RGS6: variants seen among roughly 807,000 people sequenced by gnomAD.
RGS6 encodes regulator of G protein signaling 6, also known as regulator of G-protein signaling 6.
A neutral mutation model predicts 78.5 loss-of-function variants in RGS6; 30 were observed. The observed-to-expected ratio is 0.38, with a 90% confidence interval of 0.29 to 0.52. The LOEUF (loss-of-function observed/expected upper bound fraction) is 0.52, where lower values mean the gene tolerates loss of function less well. Ranked by LOEUF, RGS6 falls within the 20% of genes least tolerant of loss-of-function variation. The pLI is 0.85. For missense variants in RGS6, 495 were observed against 609.7 expected (o/e 0.81, Z 1.98); for synonymous variants, 206 against 206.0 (o/e 1.00, Z 0.00).
intron 2 of RGS6, among the ~76,000 whole-genome samples, chr14:72,236,338 A>G: frequency 1.3e-5 from 2 of 152,202 alleles, no homozygotes; most frequent in East Asian, 3.9e-4. Context: ...AGAAATCAGT[A>G]CACTTCACCA....
intron 3 of RGS6, among the ~76,000 whole-genome samples, chr14:72,424,531 C>T (rs2094349031): frequency 6.6e-6 from 1 of 152,052 alleles, no homozygotes. Context: ...TCTTCCCTTG[C>T]TGGGAGTCTT....
At chr14:72,292,012 C>T (rs2238204) in intron 2 of RGS6, among the ~76,000 whole-genome samples, 102,231 of 151,694 alleles carry the variant, frequency 0.67, 34,769 homozygotes, top group East Asian at 0.86. Flanking sequence ...TGGCGTCACA[C>T]AGCACACTCC....
intron 2 of RGS6, among the ~76,000 whole-genome samples, chr14:72,148,330 C>G (rs1236618033): frequency 6.7e-6 from 1 of 149,180 alleles, no homozygotes; most frequent in African/African-American, 2.5e-5. Flanking sequence ...TCCATGAGTT[C>G]GAGGCTGCAG....
chr14:72,397,794 A>G (rs192324038), intron 3 of RGS6, among the ~76,000 whole-genome samples: 8 of 152,260 alleles, frequency 5.3e-5, no homozygotes, highest in African/African-American at 1.7e-4. Context: ...CCTTTTCTAC[A>G]TCTTTTGAGA....
At chr14:72,308,078 A>G (rs2067674014) in intron 2 of RGS6, among the ~76,000 whole-genome samples, 1 of 152,066 alleles carries the variant, frequency 6.6e-6, no homozygotes, top group African/African-American at 2.4e-5. Flanking sequence ...TATTATTCTA[A>G]TTTTCCAGGT....
chr14:72,151,960 T>TAA (rs1447040379), intron 2 of RGS6, among the ~76,000 whole-genome samples: 1 of 152,132 alleles, frequency 6.6e-6, no homozygotes, highest in Non-Finnish European at 1.5e-5. Context: ...AACATGAACT[T>TAA]GAAAATGAGT....
Position 72,175,168 on chromosome 14 carries a change from T to G in RGS6, c.85-176927T>G, listed in dbSNP as rs140643969. On this transcript the variant is annotated intron_variant, in intron 2 of 17. Coordinates refer to ENST00000553525, the MANE Select transcript of RGS6 (RefSeq NM_001204424.2). The stretch of plus-strand genomic sequence containing the variant: ...TTTTTTTGTTTTGACCGAGAGTCTT[T>G]CCTCCAAAAATCATTCTCTCCATCC... 3.1e-3 allele frequency among the ~76,000 whole-genome samples: 467 copies of G among 152,318 alleles called. 2 individuals carry two copies. The highest frequency in any genetic ancestry group is 0.011 in the African/African-American group (455 of 41,570).
chr14:72,476,990 G>T (rs1243097354), intron 11 of RGS6, 150 bp downstream of exon 11: 1 of 644,156 alleles, frequency 1.6e-6, no homozygotes, highest in Non-Finnish European at 2.7e-6. Flanking sequence ...TTTAAGTGCT[G>T]TGTGTGAACA....
intron 3 of RGS6, among the ~76,000 whole-genome samples, chr14:72,435,553 G>A (rs2153184559): frequency 6.6e-6 from 1 of 152,216 alleles, no homozygotes; most frequent in East Asian, 1.9e-4. Flanking sequence ...TATAGGTCTG[G>A]AGGCCAGAAA....
intron 3 of RGS6, among the ~76,000 whole-genome samples, chr14:72,386,460 C>A (rs1367653963): frequency 6.6e-6 from 1 of 152,178 alleles, no homozygotes; most frequent in Non-Finnish European, 1.5e-5. Flanking sequence ...ATCACTTGAA[C>A]CCTGAAGGCG....
chr14:72,347,439 C>CT (rs2078274436), intron 2 of RGS6, among the ~76,000 whole-genome samples: 3 of 152,312 alleles, frequency 2.0e-5, no homozygotes, highest in Admixed American at 6.5e-5. Context: ...TCTCTGCATC[C>CT]TCCTCTGCCC....
the RGS6 span, among the ~76,000 whole-genome samples, chr14:72,582,001 C>T: frequency 1.3e-5 from 2 of 152,146 alleles, no homozygotes; most frequent in African/African-American, 2.4e-5. Flanking sequence ...GAAATGGACA[C>T]GTATGAAGAC....
chr14:72,352,143 C>T lies in RGS6; in HGVS notation c.133C>T (p.Pro45Ser), dbSNP rs1204805423. ...KMQDDKTGGV[P>S]IRTVKSFLSK... The stretch of plus-strand genomic sequence containing the variant: ...GCAAGATGACAAGACAGGGGGTGTG[C>T]CCATCAGAACAGTCAAGAGCTTTCT... The change falls in exon 3 of 18, where the codon CCC (proline) becomes TCC (serine). Residue 45 changes from proline to serine, a missense_variant. Physicochemically the swap from Pro to Ser is moderately conservative, Grantham distance 74 (BLOSUM62 -1). Transcript: ENST00000553525. 1.9e-6 allele frequency: 3 copies of T among 1,613,394 alleles called. No homozygotes were observed. The highest frequency in any genetic ancestry group is 1.7e-5 in the Admixed American group (1 of 59,916).
the RGS6 span, among the ~76,000 whole-genome samples, chr14:71,913,700 C>T: frequency 6.6e-6 from 1 of 152,346 alleles, no homozygotes. Context: ...AAAGGAGACA[C>T]ATGCAAGAAG....
At chr14:72,086,982 C>T (rs1199351294) in intron 2 of RGS6, among the ~76,000 whole-genome samples, 2 of 152,108 alleles carry the variant, frequency 1.3e-5, no homozygotes, top group Non-Finnish European at 2.9e-5. Flanking sequence ...TACTTAAATC[C>T]ATGTATTTTC....
At chr14:72,550,481 C>CAG in intron 17 of RGS6, 7 of 1,535,664 alleles carry the variant, frequency 4.6e-6, no homozygotes, top group Middle Eastern at 3.3e-4. Flanking sequence ...AAGCAAGGAC[C>CAG]GAAAGCCTGG....
intron 3 of RGS6, among the ~76,000 whole-genome samples, chr14:72,424,317 T>C (rs938053489): frequency 2.0e-5 from 3 of 152,178 alleles, no homozygotes; most frequent in Non-Finnish European, 4.4e-5. Context: ...ACTTGAAATG[T>C]TTCACTTAAA....
chr14:71,868,456 T>C, the RGS6 span, among the ~76,000 whole-genome samples: 569 of 152,288 alleles, frequency 3.7e-3, 7 homozygotes, highest in African/African-American at 0.013. Flanking sequence ...TACACTCCTA[T>C]ATGGGATTCC....
At chr14:71,964,099 A>C (rs1044623638) in intron 1 of RGS6, among the ~76,000 whole-genome samples, 1 of 151,646 alleles carries the variant, frequency 6.6e-6, no homozygotes, top group Non-Finnish European at 1.5e-5. Context: ...CTGGATTTTG[A>C]TTTCCCTAAT....
Sources: gnomAD v4.1 joint callset for allele counts (sites outside exome capture counted in the v4.1 genomes callset) on GRCh38, gnomAD v4.1.1 for gene constraint, MANE v1.5 for transcripts, NCBI Gene and HGNC (gene_info 2026-07-23, HGNC 2026-07-21) for gene names.